Variants in DYNC1LI1 observed in about 807,000 individuals in gnomAD.
DYNC1LI1 encodes cytoplasmic dynein 1 light intermediate chain 1.
Under a neutral mutation model 63.8 loss-of-function variants are expected in DYNC1LI1, and 19 were observed. The ratio of observed to expected loss-of-function variants is 0.30; its 90% confidence interval spans 0.21 to 0.44. The LOEUF (loss-of-function observed/expected upper bound fraction) is 0.44, where lower values mean the gene tolerates loss of function less well. Among genes scored for constraint, DYNC1LI1 ranks in the 20% least tolerant of loss-of-function variants. DYNC1LI1 has a pLI of 1.00. For synonymous variants in DYNC1LI1, 225 were observed against 232.3 expected (o/e 0.97, Z 0.28); for missense variants, 565 against 630.2 (o/e 0.90, Z 1.11).
chr3:32,538,639 C>T (rs1196670244), intron 5 of DYNC1LI1, among the ~76,000 whole-genome samples: 3 of 151,616 alleles, frequency 2.0e-5, no homozygotes, highest in East Asian at 1.9e-4. Context: ...AGGCGGAGCT[C>T]GCTGTGAGCC....
intron 5 of DYNC1LI1, among the ~76,000 whole-genome samples, chr3:32,538,218 A>T (rs1198934749): frequency 6.9e-6 from 1 of 144,538 alleles, no homozygotes; most frequent in Non-Finnish European, 1.5e-5. Flanking sequence ...GCAACATAGC[A>T]AAACTCTCCA....
Position 32,537,048 on chromosome 3 carries a change from A to G in DYNC1LI1, c.795T>C (p.Asp265=). 1.2e-6 allele frequency: 2 copies of G among 1,600,832 alleles called. No individual in the cohort carries two copies. The highest frequency in any genetic ancestry group is 1.7e-4 in the Middle Eastern group (1 of 6,024). The change falls in exon 6 of 13, where the codon GAT becomes GAC. Residue 265 remains aspartate, a synonymous_variant. Transcript: ENST00000273130. ...ACTTCCGGATATGTGACTGAATAAA[A>G]TCAAAATGTTCATCTCTGTAGTCAT... is the stretch of plus-strand genomic sequence containing the variant. ...KEHDYRDEHF[D]FIQSHIRKFC... is the part of the protein sequence containing the mutation.
chr3:32,546,087 A>C, intron 2 of DYNC1LI1, 122 bp from the exon 3 acceptor site: 1 of 638,252 alleles, frequency 1.6e-6, no homozygotes, highest in Non-Finnish European at 2.7e-6. Flanking sequence ...AATTTGATGA[A>C]ATATAATGGA....
At chr3:32,553,648 G>A (rs1303282925) in intron 2 of DYNC1LI1, among the ~76,000 whole-genome samples, 2 of 152,182 alleles carry the variant, frequency 1.3e-5, no homozygotes, top group Admixed American at 1.3e-4. Context: ...CCTCTCTACA[G>A]AAGCAGCAAG....
chr3:32,555,557 T>C (rs1355165291), intron 2 of DYNC1LI1, among the ~76,000 whole-genome samples: 2 of 152,218 alleles, frequency 1.3e-5, no homozygotes, highest in Non-Finnish European at 2.9e-5. Context: ...GCACAAAACT[T>C]AACATTTGGC....
chr3:32,564,600 C>A (rs756304491), intron 2 of DYNC1LI1, among the ~76,000 whole-genome samples: 5 of 152,194 alleles, frequency 3.3e-5, no homozygotes, highest in Admixed American at 2.0e-4. Context: ...TGCCATCTTA[C>A]TCTCAAAACA....
At chr3:32,561,157 T>C (rs952407002) in intron 2 of DYNC1LI1, among the ~76,000 whole-genome samples, 1 of 151,660 alleles carries the variant, frequency 6.6e-6, no homozygotes, top group African/African-American at 2.4e-5. Flanking sequence ...TCCCATGCCC[T>C]AGGAGGTCAA....
intron 6 of DYNC1LI1, among the ~76,000 whole-genome samples, chr3:32,535,377 T>C (rs2125431920): frequency 6.6e-6 from 1 of 152,346 alleles, no homozygotes; most frequent in Admixed American, 6.5e-5. Context: ...AGAAATTCTA[T>C]GACCATCCAC....
chr3:32,568,946 C>T (rs1698305495), intron 2 of DYNC1LI1, among the ~76,000 whole-genome samples: 1 of 151,688 alleles, frequency 6.6e-6, no homozygotes, highest in African/African-American at 2.4e-5. Flanking sequence ...TTTATTTTTG[C>T]CCTATGAATA....
intron 2 of DYNC1LI1, among the ~76,000 whole-genome samples, chr3:32,552,871 A>G (rs951998646): frequency 6.6e-6 from 1 of 152,046 alleles, no homozygotes; most frequent in Non-Finnish European, 1.5e-5. Flanking sequence ...ACGCCCAGCT[A>G]ATTTTTTTAT....
At chr3:32,555,858 T>C (rs1459400980) in intron 2 of DYNC1LI1, among the ~76,000 whole-genome samples, 1 of 152,222 alleles carries the variant, frequency 6.6e-6, no homozygotes, top group Non-Finnish European at 1.5e-5. Flanking sequence ...CAAATGTAAT[T>C]AAATGTTAAT....
Position 32,528,613 on chromosome 3 carries a change from TAAA to T in DYNC1LI1, c.1307-15_1307-13del. ...ACTTGTAGCTCCAGCTATAAAAAAA[TAAA>T]AAAACAAAAAGCTTTAGCCAAAACA... On this transcript the variant is annotated splice_polypyrimidine_tract_variant and intron_variant, in intron 11 of 12. Transcript: ENST00000273130. 2 of 1,583,566 alleles carry T rather than the reference TAAA, an allele frequency of 1.3e-6. No homozygotes were observed. Among genetic ancestry groups the T allele is most frequent in the Non-Finnish European group, 1.7e-6 (2 of 1,170,660 alleles).
chr3:32,528,332 C>T, intron 12 of DYNC1LI1, 114 bp downstream of exon 12: 3 of 1,171,082 alleles, frequency 2.6e-6, no homozygotes, highest in Non-Finnish European at 2.5e-6. Context: ...GATGGCCTGC[C>T]CAACTTAGCA....
intron 2 of DYNC1LI1, among the ~76,000 whole-genome samples, chr3:32,569,345 A>T (rs1371143795): frequency 6.6e-6 from 1 of 152,220 alleles, no homozygotes; most frequent in East Asian, 1.9e-4. Context: ...GCTTGGCAGC[A>T]GTCTATTAAA....
intron 2 of DYNC1LI1, among the ~76,000 whole-genome samples, chr3:32,557,163 T>C (rs1429528583): frequency 6.6e-6 from 1 of 152,102 alleles, no homozygotes; most frequent in Non-Finnish European, 1.5e-5. Flanking sequence ...ACCTATACAA[T>C]TAGAAGGATA....
chr3:32,544,700 C>A (rs1575153667), intron 4 of DYNC1LI1, among the ~76,000 whole-genome samples, 176 bp downstream of exon 4: 1 of 151,862 alleles, frequency 6.6e-6, no homozygotes. Context: ...CAAGATTGCG[C>A]CACTGCACTC....
Position 32,570,835 on chromosome 3 carries a change from TGGAGGCGGC to T in DYNC1LI1, c.-74_-66del, listed in dbSNP as rs1208572962. ...TGCGAGGCGGCTGAGGCGGTGGCGG[TGGAGGCGGC>T]GGGAACCCGGATATGGGGCGTTCAG... On this transcript the variant is annotated 5_prime_UTR_variant, in exon 1 of 13. Coordinates refer to ENST00000273130, the MANE Select transcript of DYNC1LI1 (RefSeq NM_016141.4). 4 of 1,437,826 alleles carry T rather than the reference TGGAGGCGGC, an allele frequency of 2.8e-6. No individual in the cohort carries two copies. In the East Asian group the frequency reaches 7.9e-5, roughly 29 times the overall value. The allele number at this position is 1,437,826 out of a possible 1,614,324, so 89.1% of individuals were successfully genotyped here. A position where few individuals can be genotyped will look rare whatever the true frequency, so the allele number is the denominator to read the frequency against.
intron 2 of DYNC1LI1, among the ~76,000 whole-genome samples, chr3:32,549,914 G>A (rs1435105858): frequency 6.6e-6 from 1 of 151,954 alleles, no homozygotes; most frequent in African/African-American, 2.4e-5. Flanking sequence ...AAATATAAAG[G>A]CTTCCAAATA....
In DYNC1LI1 at chr3:32,529,438, T is replaced by C; in HGVS notation, c.1306+102A>G. On this transcript the variant is annotated intron_variant, in intron 11 of 12. Coordinates refer to ENST00000273130, the MANE Select transcript of DYNC1LI1 (RefSeq NM_016141.4). ...CCATAGAGACAAAGCCTAAAAGGTATTACACAAGAATGAAAATAGTTATGG... is the reference window on the plus strand; with the variant it reads ...CCATAGAGACAAAGCCTAAAAGGTACTACACAAGAATGAAAATAGTTATGG... The C allele has an allele frequency of 4.3e-6, 5 of 1,150,094 alleles. No individual in the cohort carries two copies. In the South Asian group the frequency reaches 9.0e-5, roughly 21 times the overall value. 71.2% of individuals were successfully genotyped at this position (1,150,094 alleles called of 1,614,324 possible).
Sources: allele counts gnomAD v4.1 joint callset (sites outside exome capture counted in the v4.1 genomes callset), GRCh38; gene constraint gnomAD v4.1.1; transcripts MANE v1.5; gene names NCBI Gene and HGNC (gene_info 2026-07-23, HGNC 2026-07-21).